Variants in BRPF3 observed in about 807,000 individuals in gnomAD.
BRPF3 encodes the protein bromodomain and PHD finger containing 3, also known as bromodomain and PHD finger-containing protein 3.
Under a neutral mutation model 102.0 loss-of-function variants are expected in BRPF3, and 18 were observed. The ratio of observed to expected loss-of-function variants is 0.18; its 90% CI spans 0.12 to 0.26. BRPF3 has a LOEUF of 0.26. Ranked by LOEUF, BRPF3 falls within the 10% of genes least tolerant of loss-of-function variation. BRPF3 has a pLI of 1.00. For missense variants in BRPF3, 1,147 were observed against 1,567.8 expected (o/e 0.73, Z 4.53); for synonymous variants, 570 against 614.2 (o/e 0.93, Z 1.06).
intron 12 of BRPF3, 50 bp downstream of exon 12, chr6:36,229,106 G>T (rs754210198): frequency 1.9e-6 from 3 of 1,591,652 alleles, no homozygotes; most frequent in East Asian, 4.6e-5. Context: ...AGGGGTCTGT[G>T]CCAGTGGTGC....
intron 10 of BRPF3, among the ~76,000 whole-genome samples, chr6:36,223,440 C>A (rs959750361): frequency 6.6e-6 from 1 of 152,138 alleles, no homozygotes; most frequent in African/African-American, 2.4e-5. Context: ...CTTATTCTTA[C>A]TTTTAAAACC....
At chr6:36,212,814 G>A (rs1434615474) in intron 7 of BRPF3, among the ~76,000 whole-genome samples, 3 of 151,956 alleles carry the variant, frequency 2.0e-5, no homozygotes, top group East Asian at 1.9e-4. Flanking sequence ...TTAGCCGGGC[G>A]CGGTGGCGGG....
chr6:36,215,155 C>T (rs957638431), intron 8 of BRPF3, among the ~76,000 whole-genome samples: 7 of 151,858 alleles, frequency 4.6e-5, no homozygotes, highest in African/African-American at 1.7e-4. Flanking sequence ...CTTGCTCTGT[C>T]GCCCAGGCTA....
chr6:36,211,970 GA>G (rs1768134301), intron 7 of BRPF3, among the ~76,000 whole-genome samples: 1 of 152,190 alleles, frequency 6.6e-6, no homozygotes, highest in Non-Finnish European at 1.5e-5. Flanking sequence ...ATCACGTGGA[GA>G]GACTCTAGAG....
intron 9 of BRPF3, among the ~76,000 whole-genome samples, chr6:36,218,670 A>T (rs537249275): frequency 7.2e-5 from 11 of 151,958 alleles, no homozygotes; most frequent in Admixed American, 5.2e-4. Context: ...TGTTGGCCAG[A>T]CTGGTCTTGA....
chr6:36,197,178 C>G (rs991918335), intron 1 of BRPF3: 1 of 152,630 alleles, frequency 6.6e-6, no homozygotes, highest in Non-Finnish European at 1.5e-5. Flanking sequence ...GGACCCCCTC[C>G]CGCAGCCGCC....
Position 36,209,907 on chromosome 6 carries a change from T to C in BRPF3, c.1858T>C (p.Leu620=), listed in dbSNP as rs753901443. The C allele has an allele frequency of 5.0e-6, 8 of 1,614,042 alleles. No homozygotes were observed. The highest frequency in any genetic ancestry group is 6.8e-6 in the Non-Finnish European group (8 of 1,179,970). Residue 620 remains leucine (L), a synonymous_variant, in exon 5 of 13, where the codon TTG becomes CTG. Coordinates refer to ENST00000357641, the MANE Select transcript of BRPF3 (RefSeq NM_015695.3). ...ACACATCTTCGCAGAACCAGTCAACTTGAGTGAGGCAAGTTCCCCCTACTT... is the reference window on the plus strand; with the variant it reads ...ACACATCTTCGCAGAACCAGTCAACCTGAGTGAGGCAAGTTCCCCCTACTT... ...PAHIFAEPVN[L]SEVPDYLEFI... is the part of the protein sequence containing the mutation.
At chr6:36,203,181 G>A (rs1393876646) in intron 2 of BRPF3, among the ~76,000 whole-genome samples, 2 of 152,176 alleles carry the variant, frequency 1.3e-5, no homozygotes, top group African/African-American at 4.8e-5. Flanking sequence ...GAGCTTGCTG[G>A]CTAAGAACCA....
At chr6:36,219,823 G>T (rs1037915880) in intron 9 of BRPF3, among the ~76,000 whole-genome samples, 4 of 152,166 alleles carry the variant, frequency 2.6e-5, no homozygotes, top group African/African-American at 9.7e-5. Context: ...CCCAGAATTA[G>T]AAATAACCTT....
intron 10 of BRPF3, among the ~76,000 whole-genome samples, chr6:36,222,698 A>G (rs923654491): frequency 6.6e-5 from 10 of 152,100 alleles, no homozygotes; most frequent in Non-Finnish European, 2.9e-5. Context: ...AGCTAATAAT[A>G]TATCTTGGAG....
intron 7 of BRPF3, among the ~76,000 whole-genome samples, chr6:36,212,594 A>G (rs1451873001): frequency 6.8e-5 from 10 of 146,642 alleles, no homozygotes; most frequent in East Asian, 2.1e-4. Context: ...AAAAAAAAAA[A>G]GGTGTAGCCT....
Position 36,232,685 on chromosome 6 carries a change from G to GAA in BRPF3, c.*2080_*2081dup, listed in dbSNP as rs1768974035. 6.6e-6 allele frequency: 1 copy of GAA among 152,534 alleles called. No individual in the cohort carries two copies. The highest frequency in any genetic ancestry group is 1.5e-5 in the Non-Finnish European group (1 of 68,014). The allele number at this position is 152,534 out of a possible 1,614,324, so 9.4% of individuals were successfully genotyped here. A position where few individuals can be genotyped will look rare whatever the true frequency, so the allele number is the denominator to read the frequency against. On this transcript the variant is annotated 3_prime_UTR_variant, in exon 13 of 13. Coordinates refer to ENST00000357641, the MANE Select transcript of BRPF3 (RefSeq NM_015695.3). ...TGGTATAAGAGAGGTAATAAACAGA[G>GAA]AAAAATCTATGCTTGTAAAGAATAC...
chr6:36,225,660 G>T (rs1768714931), intron 11 of BRPF3, among the ~76,000 whole-genome samples: 1 of 152,188 alleles, frequency 6.6e-6, no homozygotes, highest in South Asian at 2.1e-4. Context: ...TAAAGCTACT[G>T]ATAATGCTTA....
rs1767654553 is a variant in BRPF3 at position 36,200,430 on chromosome 6, G to A, written c.108G>A (p.Gln36=). Residue 36 remains glutamine (Q), a synonymous_variant, in exon 2 of 13, where the codon CAG becomes CAA. Coordinates refer to ENST00000357641, the MANE Select transcript of BRPF3 (RefSeq NM_015695.3). This position sits in a 1 kb window ranked among gnomAD's most constrained non-coding sequence, Gnocchi z 5.3. The stretch of plus-strand genomic sequence containing the variant: ...CCCGGGAGACCCTGACATATGCCCA[G>A]GCCCAGCGGATTGTCGAGGTAGACA... The part of the protein sequence containing the change: ...SPTRETLTYA[Q]AQRIVEVDID... 4 of 1,614,242 alleles carry A rather than the reference G, an allele frequency of 2.5e-6. No individual in the cohort carries two copies. The highest frequency in any genetic ancestry group is 3.4e-6 in the Non-Finnish European group (4 of 1,180,046).
At chr6:36,209,450 A>T (rs1768017491) in intron 4 of BRPF3, among the ~76,000 whole-genome samples, 1 of 152,142 alleles carries the variant, frequency 6.6e-6, no homozygotes, top group Non-Finnish European at 1.5e-5. Flanking sequence ...TTCCTACCTC[A>T]TATACTCATT....
At chr6:36,212,404 G>A (rs541377069) in intron 7 of BRPF3, among the ~76,000 whole-genome samples, 11 of 152,188 alleles carry the variant, frequency 7.2e-5, no homozygotes, top group African/African-American at 1.9e-4. Context: ...TTTTAGGTTG[G>A]CAGAGAATGG....
At chr6:36,229,794 A>G (rs1280335840) in intron 12 of BRPF3, among the ~76,000 whole-genome samples, 1 of 152,212 alleles carries the variant, frequency 6.6e-6, no homozygotes, top group Non-Finnish European at 1.5e-5. Flanking sequence ...AGATTGCTTT[A>G]TATATCTGAT....
rs188690487 is a variant in BRPF3 at position 36,200,133 on chromosome 6, A to G, written c.-26-164A>G. Among the ~76,000 whole-genome samples, 1 of 152,346 alleles carries G rather than the reference A, an allele frequency of 6.6e-6. No individual in the cohort carries two copies. Among genetic ancestry groups the G allele is most frequent in the East Asian group, 1.9e-4 (1 of 5,192 alleles). On this transcript the variant is annotated intron_variant, in intron 1 of 12. Coordinates refer to ENST00000357641, the MANE Select transcript of BRPF3 (RefSeq NM_015695.3). This position sits in a 1 kb window ranked among gnomAD's most constrained non-coding sequence, Gnocchi z 5.3. ...GAAGTGTTGTTCACTTGAAGAAATG[A>G]AAGACTCAAAGGAAGTGAAGGAGCA...
chr6:36,222,379 C>T (rs2157317), intron 10 of BRPF3, 114 bp downstream of exon 10: 1 of 908,646 alleles, frequency 1.1e-6, no homozygotes, highest in Non-Finnish European at 1.7e-6. Context: ...TGAGCTCCCC[C>T]AAACTCTTGG....
Sources: allele counts gnomAD v4.1 joint callset (sites outside exome capture counted in the v4.1 genomes callset), GRCh38; gene constraint gnomAD v4.1.1; non-coding constraint Gnocchi (gnomAD v3.1); transcripts MANE v1.5; gene names NCBI Gene and HGNC (gene_info 2026-07-23, HGNC 2026-07-21).